DCC: variants seen among roughly 807,000 people sequenced by gnomAD.
The protein encoded by DCC is netrin receptor DCC.
Under a neutral mutation model 172.5 loss-of-function variants are expected in DCC, and 58 were observed. That is an observed-to-expected ratio of 0.34 (90% CI 0.27 to 0.42). The LOEUF (loss-of-function observed/expected upper bound fraction) is 0.42, where lower values mean the gene tolerates loss of function less well. Ranked by LOEUF, DCC falls within the 10% of genes least tolerant of loss-of-function variation. DCC has a pLI of 1.00. For missense variants in DCC, 1,740 were observed against 1,791.0 expected (o/e 0.97, Z 0.51); for synonymous variants, 709 against 644.5 (o/e 1.10, Z -1.52).
rs1047531357 is a variant in DCC at position 52,493,972 on chromosome 18, C to T, written c.91+153094C>T. Among the ~76,000 whole-genome samples the T allele has an allele frequency of 2.0e-5, 3 of 152,058 alleles. No individual in the cohort carries two copies. In the Middle Eastern group the frequency reaches 0.01, roughly 517 times the overall value. ...CATTCCATCTGGCATTTTCTTGTTT[C>T]CTTCTGCTTAAAGAACTGTTTTTAG... On this transcript the variant is annotated intron_variant, in intron 1 of 28. Coordinates refer to ENST00000442544, the MANE Select transcript of DCC (RefSeq NM_005215.4).
chr18:53,247,975 C>T (rs1231294812), intron 12 of DCC, among the ~76,000 whole-genome samples: 1 of 151,968 alleles, frequency 6.6e-6, no homozygotes, highest in Non-Finnish European at 1.5e-5. Context: ...ACCTTTCAGC[C>T]ATACATGTCA....
At chr18:53,424,479 G>A (rs1910796537) in intron 21 of DCC, among the ~76,000 whole-genome samples, 1 of 152,148 alleles carries the variant, frequency 6.6e-6, no homozygotes, top group Admixed American at 6.6e-5. Context: ...TTCCAGTCCA[G>A]TATGAAAAAT....
intron 7 of DCC, among the ~76,000 whole-genome samples, chr18:53,122,254 TG>T (rs2043493611): frequency 6.6e-6 from 1 of 152,014 alleles, no homozygotes; most frequent in South Asian, 2.1e-4. Flanking sequence ...CTAATTTTAC[TG>T]TAATAGATAT....
At chr18:52,837,268 A>T (rs1027064422) in intron 2 of DCC, among the ~76,000 whole-genome samples, 5 of 152,212 alleles carry the variant, frequency 3.3e-5, no homozygotes, top group African/African-American at 1.2e-4. Flanking sequence ...GATGATTAAC[A>T]TTCAGCTCCT....
At chr18:52,890,708 A>G (rs1247387430) in intron 2 of DCC, among the ~76,000 whole-genome samples, 2 of 152,124 alleles carry the variant, frequency 1.3e-5, no homozygotes, top group East Asian at 3.8e-4. Context: ...ACAAACTACA[A>G]TTACAATAAA....
At chr18:53,293,223 C>T (rs2057025904) in intron 12 of DCC, among the ~76,000 whole-genome samples, 1 of 152,108 alleles carries the variant, frequency 6.6e-6, no homozygotes, top group Non-Finnish European at 1.5e-5. Flanking sequence ...TCCGTGAATA[C>T]CTTTTATGTG....
intron 15 of DCC, among the ~76,000 whole-genome samples, chr18:53,341,786 A>C (rs1299226519): frequency 1.3e-5 from 2 of 152,186 alleles, no homozygotes; most frequent in Admixed American, 6.6e-5. Flanking sequence ...ATAAGGATTT[A>C]TTCAAGTCCA....
chr18:53,233,748 A>T (rs2056157580), intron 12 of DCC, among the ~76,000 whole-genome samples: 2 of 152,212 alleles, frequency 1.3e-5, no homozygotes. Context: ...TATGTGGCAT[A>T]GTTCAAGGCT....
At position 53,178,991 on chromosome 18, in the gene DCC, G is replaced by T; in HGVS notation, c.1448G>T (p.Gly483Val). ...RERALNTTQP[G>V]SLQLTVGNLK... ...CGAGCATTGAATACAACACAGCCTG[G>T]GTCCCTTCAGCTCACTGTGGGAAAC... The change falls in exon 9 of 29, where the codon GGG becomes GTG. Residue 483 changes from glycine to valine, a missense_variant. Physicochemically the swap from Gly to Val is moderately radical, Grantham distance 109. Around this residue, in one of 2 missense-constraint regions of DCC, gnomAD observed 1,732 missense variants for 1,767.4 expected, o/e 0.98. Coordinates refer to ENST00000442544, the MANE Select transcript of DCC (RefSeq NM_005215.4). 1 of 1,613,978 alleles carries T rather than the reference G, an allele frequency of 6.2e-7. No homozygotes were observed.
At chr18:53,302,167 C>T (rs1568041116) in intron 12 of DCC, among the ~76,000 whole-genome samples, 1 of 152,020 alleles carries the variant, frequency 6.6e-6, no homozygotes, top group Non-Finnish European at 1.5e-5. Flanking sequence ...TTCATTACCT[C>T]CTTCAAGGAC....
At chr18:53,313,140 C>A (rs2057302148) in intron 13 of DCC, among the ~76,000 whole-genome samples, 3 of 151,980 alleles carry the variant, frequency 2.0e-5, no homozygotes, top group Non-Finnish European at 4.4e-5. Context: ...CTGATATCAG[C>A]TATCAGAGTT....
chr18:52,857,575 G>T (rs2039074292), intron 2 of DCC, among the ~76,000 whole-genome samples: 1 of 152,006 alleles, frequency 6.6e-6, no homozygotes, highest in Non-Finnish European at 1.5e-5. Flanking sequence ...GTTATATAGG[G>T]TAATTCGAAT....
chr18:52,842,972 G>T (rs897253203), intron 2 of DCC, among the ~76,000 whole-genome samples: 1 of 152,144 alleles, frequency 6.6e-6, no homozygotes. Context: ...TTTGAACTTG[G>T]TTACTAATTT....
intron 1 of DCC, among the ~76,000 whole-genome samples, chr18:52,379,687 TGA>T (rs1464882708): frequency 6.6e-6 from 1 of 151,744 alleles, no homozygotes; most frequent in Non-Finnish European, 1.5e-5. Context: ...AACCAAAAGT[TGA>T]GAGTTATTTA....
At chr18:52,921,552 A>G (rs2040125409) in intron 3 of DCC, among the ~76,000 whole-genome samples, 1 of 151,846 alleles carries the variant, frequency 6.6e-6, no homozygotes, top group Non-Finnish European at 1.5e-5. Flanking sequence ...TACCAAAATG[A>G]GCCAGGTGTG....
intron 5 of DCC, among the ~76,000 whole-genome samples, chr18:53,041,004 A>C (rs1435471532): frequency 6.6e-6 from 1 of 151,306 alleles, no homozygotes; most frequent in African/African-American, 2.4e-5. Flanking sequence ...CTCTGATTAT[A>C]GCTTCTTTTG....
chr18:53,063,592 A>G lies in DCC; in HGVS notation c.1140+133A>G, dbSNP rs1056701410. On this transcript the variant is annotated intron_variant, in intron 6 of 28. Transcript: ENST00000442544. ...TGTGATGTGTTAAAAAAGTTATTCA[A>G]ATAAAGCAAATGATTTTCTAGACAT... 16 of 688,898 alleles carry G rather than the reference A, an allele frequency of 2.3e-5. No homozygotes were observed. The African/African-American group carries it at 2.9e-4, about 12-fold the overall frequency. 42.7% of individuals were successfully genotyped at this position (688,898 alleles called of 1,614,324 possible).
chr18:52,632,891 T>C (rs896605369), intron 1 of DCC, among the ~76,000 whole-genome samples: 1 of 152,234 alleles, frequency 6.6e-6, no homozygotes, highest in Non-Finnish European at 1.5e-5. Flanking sequence ...AAAGTTTAAC[T>C]GAGATGAATT....
At chr18:53,360,718 T>TCATTAGG (rs2144930767) in intron 15 of DCC, among the ~76,000 whole-genome samples, 1 of 152,314 alleles carries the variant, frequency 6.6e-6, no homozygotes, top group East Asian at 1.9e-4. Flanking sequence ...GTCATGTCTT[T>TCATTAGG]CATTAGGACA....
Sources: allele counts gnomAD v4.1 joint callset (sites outside exome capture counted in the v4.1 genomes callset), GRCh38; gene constraint gnomAD v4.1.1; regional missense constraint gnomAD v4.1.1; transcripts MANE v1.5; gene names NCBI Gene and HGNC (gene_info 2026-07-23, HGNC 2026-07-21).